Variants in CDKL5 observed in about 807,000 individuals in gnomAD.
CDKL5 encodes cyclin-dependent kinase-like 5.
In CDKL5, 8 loss-of-function variants were observed where a neutral mutation model predicts 61.7. That is an observed-to-expected ratio of 0.13 (90% CI 0.08 to 0.23). The LOEUF (loss-of-function observed/expected upper bound fraction) is 0.23, where lower values mean the gene tolerates loss of function less well. Ranked by LOEUF, CDKL5 falls within the 10% of genes least tolerant of loss-of-function variation. The probability of loss-of-function intolerance (pLI) is 1.00; values close to 1 mark genes in which losing one functional copy is unlikely to be tolerated. For missense variants in CDKL5, 440 were observed against 734.5 expected, an observed-to-expected ratio of 0.60 and a Z score of 4.63; for synonymous variants, 275 against 272.3, an observed-to-expected ratio of 1.01 and a Z score of -0.10.
chrX:18,471,565 G>T (rs1921097777), intron 1 of CDKL5, among the ~76,000 whole-genome samples: 2 of 109,895 alleles, frequency 1.8e-5, no homozygotes, highest in African/African-American at 6.6e-5. Flanking sequence ...TAGAGACGAG[G>T]TCTCCTTATG....
chrX:18,650,371 C>T (rs1927976670), intron 20 of CDKL5: 1 of 1,193,076 alleles, frequency 8.4e-7, no homozygotes, highest in African/African-American at 1.7e-5. Context: ...GCCTCCCGGG[C>T]CCCAAGCTTC....
At chrX:18,535,827 C>A in intron 3 of CDKL5, 1 of 115,088 alleles carries the variant, frequency 8.7e-6, no homozygotes. Flanking sequence ...AGAGTCCCTC[C>A]AATGGCTCCA....
At chrX:18,613,093 TA>T (rs368997720) in intron 14 of CDKL5, 58 bp from the exon 15 acceptor site, 94,189 of 674,422 alleles carry the variant, frequency 0.14, 1 homozygote, top group Non-Finnish European at 0.16. Context: ...AGACTCTGTC[TA>T]AAAAAAAAAA....
Position 18,633,414 on chromosome X carries a change from G to A in CDKL5, c.*4657G>A, listed in dbSNP as rs1003278966. 8 of 752,936 alleles carry A rather than the reference G, an allele frequency of 1.1e-5. No homozygotes were observed. Among genetic ancestry groups the A allele is most frequent in the Non-Finnish European group, 1.3e-5 (8 of 639,055 alleles). 62.1% of individuals were successfully genotyped at this position (752,936 alleles called of 1,213,427 possible). ...GTAAGTGTCCTGTCGCTAATTCCCA[G>A]GGCCAGAATCTCACAAGAAGATCCT... On this transcript the variant is annotated 3_prime_UTR_variant, in exon 18 of 18. Transcript: ENST00000623535.
intron 4 of CDKL5, 126 bp from the exon 5 acceptor site, chrX:18,575,228 G>A (rs1271081954): frequency 1.8e-6 from 1 of 559,351 alleles, no homozygotes; most frequent in Non-Finnish European, 3.0e-6. Context: ...TTCCATTCTT[G>A]TACTTCTTAT....
chrX:18,521,167 T>C (rs1350159713), intron 3 of CDKL5, among the ~76,000 whole-genome samples: 2 of 112,646 alleles, frequency 1.8e-5, no homozygotes, highest in Admixed American at 1.9e-4. Context: ...TGGTCATTTG[T>C]ATATCTTCTT....
intron 6 of CDKL5, among the ~76,000 whole-genome samples, chrX:18,581,279 T>C (rs1449455062): frequency 8.9e-6 from 1 of 112,016 alleles, no homozygotes; most frequent in Non-Finnish European, 1.9e-5. Flanking sequence ...TCTGTGAATT[T>C]CTACTTAACT....
chrX:18,482,328 T>C (rs773531614), intron 1 of CDKL5, among the ~76,000 whole-genome samples: 1 of 112,271 alleles, frequency 8.9e-6, no homozygotes, highest in South Asian at 3.7e-4. Flanking sequence ...TCACGTATTC[T>C]AAATAGTAAT....
At chrX:18,516,697 T>C (rs1307766422) in intron 3 of CDKL5, among the ~76,000 whole-genome samples, 1 of 111,228 alleles carries the variant, frequency 9.0e-6, no homozygotes, top group Non-Finnish European at 1.9e-5. Context: ...TTTTATCTAT[T>C]AAAGAAATAA....
At chrX:18,563,278 A>C (rs1203479683) in intron 3 of CDKL5, among the ~76,000 whole-genome samples, 1 of 111,804 alleles carries the variant, frequency 8.9e-6, no homozygotes, top group Non-Finnish European at 1.9e-5. Flanking sequence ...ACATGATATC[A>C]ATGTATTATG....
rs143682861 is a variant in CDKL5, at chrX:18,647,197, C to T, written c.2797+1107C>T. On this transcript the variant is annotated intron_variant, in intron 20 of 21. Transcript: ENST00000379989. The stretch of plus-strand genomic sequence containing the variant: ...ATCCCCGGGCCCTGCTTACCCAAAG[C>T]CTTGACTGTTGAGCCGGGCCTTGTT... 1.2e-5 allele frequency: 14 copies of T among 1,208,761 alleles called. No individual in the cohort carries two copies. The African/African-American group carries it at 2.3e-4, about 20-fold the overall frequency.
At chrX:18,647,182 C>T in intron 20 of CDKL5, 1 of 1,210,653 alleles carries the variant, frequency 8.3e-7, no homozygotes, top group Non-Finnish European at 1.1e-6. Context: ...ATCCCCGGGC[C>T]CTGCTTACCC....
chrX:18,612,602 G>A (rs968048898), intron 14 of CDKL5, among the ~76,000 whole-genome samples: 8 of 105,937 alleles, frequency 7.6e-5, no homozygotes, highest in Non-Finnish European at 1.4e-4. Flanking sequence ...GGAGTTTGCA[G>A]TGAACCATGA....
At chrX:18,647,591 C>T in intron 20 of CDKL5, 1 of 382,481 alleles carries the variant, frequency 2.6e-6, no homozygotes, top group African/African-American at 2.5e-5. Context: ...GGCTCTATGG[C>T]AACTTCACAA....
chrX:18,537,527 C>T (rs1282950100), intron 3 of CDKL5, among the ~76,000 whole-genome samples: 2 of 111,863 alleles, frequency 1.8e-5, no homozygotes, highest in East Asian at 2.8e-4. Flanking sequence ...TATCTGCACT[C>T]CTGTGTGTGT....
At chrX:18,446,577 A>C (rs1324859109) in intron 1 of CDKL5, among the ~76,000 whole-genome samples, 2 of 111,581 alleles carry the variant, frequency 1.8e-5, no homozygotes, top group Non-Finnish European at 3.8e-5. Context: ...ATTCATATAG[A>C]CTTGTGAGTT....
At chrX:18,523,827 CTTGTTTTCAATTCTT>C (rs1241396945) in intron 3 of CDKL5, among the ~76,000 whole-genome samples, 3 of 111,782 alleles carry the variant, frequency 2.7e-5, no homozygotes, top group African/African-American at 9.8e-5. Context: ...TATCTGAGTC[CTTGTTTTCAATTCTT>C]TTGAATATAT....
chrX:18,552,827 G>A (rs758888513), intron 3 of CDKL5, among the ~76,000 whole-genome samples: 3 of 111,232 alleles, frequency 2.7e-5, no homozygotes, highest in African/African-American at 6.5e-5. Context: ...AAGGAGAGAT[G>A]TGACTCAGCA....
chrX:18,644,431 C>T (rs765547068), downstream of CDKL5: 26 of 1,209,025 alleles, frequency 2.2e-5, no homozygotes, highest in South Asian at 1.8e-4. Context: ...CCAACTTACC[C>T]GGTTGTTTCC....
Sources: allele counts gnomAD v4.1 joint callset (sites outside exome capture counted in the v4.1 genomes callset), GRCh38; gene constraint gnomAD v4.1.1; transcripts MANE v1.5; gene names NCBI Gene and HGNC (gene_info 2026-07-23, HGNC 2026-07-21).